The following SPARCL1 variants were observed in gnomAD, a reference collection of about 807,000 sequenced individuals.
SPARCL1 encodes the protein SPARC-like protein 1.
Under a neutral mutation model 67.1 loss-of-function variants are expected in SPARCL1, and 52 were observed. The observed-to-expected ratio is 0.78, with a 90% CI of 0.62 to 0.98. The LOEUF (loss-of-function observed/expected upper bound fraction) is 0.98, where lower values mean the gene tolerates loss of function less well. SPARCL1 is among the 50% of genes least tolerant of loss of function. SPARCL1 has a pLI of 0.00. For synonymous variants in SPARCL1, 226 were observed against 267.8 expected, an observed-to-expected ratio of 0.84 and a Z score of 1.52; for missense variants, 717 against 782.4, an observed-to-expected ratio of 0.92 and a Z score of 1.00.
chr4:87,476,961 G>A lies in SPARCL1; in HGVS notation c.1966+2469C>T, dbSNP rs114828106. ...CATTCCAAAGCAGTAAGTTGTTTACGTGTTCTGACTGAATATTTAATATCT... is the reference window on the plus strand; with the variant it reads ...CATTCCAAAGCAGTAAGTTGTTTACATGTTCTGACTGAATATTTAATATCT... On this transcript the variant is annotated intron_variant, in intron 10 of 10. Transcript: ENST00000282470. Among the ~76,000 whole-genome samples the A allele has an allele frequency of 1.0e-3, 152 of 152,274 alleles. 1 individual carries two copies. Among genetic ancestry groups the A allele is most frequent in the Middle Eastern group, 6.8e-3 (2 of 294 alleles).
Position 87,491,666 on chromosome 4 carries a change from T to C in SPARCL1, c.1243A>G (p.Asn415Asp), listed in dbSNP as rs1474818971. 1 of 1,613,780 alleles carries C rather than the reference T, an allele frequency of 6.2e-7. No homozygotes were observed. Among genetic ancestry groups the C allele is most frequent in the Admixed American group, 1.7e-5 (1 of 60,024 alleles). Residue 415 changes from asparagine to aspartate, a missense_variant, in exon 5 of 11, where the codon AAT becomes GAT. Physicochemically the swap from Asn to Asp is conservative, Grantham distance 23. Transcript: ENST00000282470. ...CCTTCACTTGACGTTTCCTCCTCAT[T>C]TGATGAGTTCTCTGCTTTCTTGGCC... ...QEAKKAENSS[N>D]EEETSSEGNM...
chr4:87,497,361 G>A (rs967677553), intron 2 of SPARCL1: 25 of 225,938 alleles, frequency 1.1e-4, no homozygotes, highest in African/African-American at 5.4e-4. Context: ...GGCAATGGAT[G>A]GGGGAGATTT....
intron 1 of SPARCL1, among the ~76,000 whole-genome samples, chr4:87,511,439 G>A (rs72879299): frequency 0.061 from 9,356 of 152,138 alleles, 747 homozygotes; most frequent in East Asian, 0.32. Context: ...ATATCTAGTA[G>A]ATACTTGGGT....
At chr4:87,480,219 C>T (rs1246155822) in intron 9 of SPARCL1, among the ~76,000 whole-genome samples, 153 bp downstream of exon 9, 1 of 152,084 alleles carries the variant, frequency 6.6e-6, no homozygotes, top group African/African-American at 2.4e-5. Flanking sequence ...TCATACACAG[C>T]AGCTTTGTGT....
chr4:87,476,542 A>C (rs1164314629), intron 10 of SPARCL1, among the ~76,000 whole-genome samples: 1 of 152,154 alleles, frequency 6.6e-6, no homozygotes, highest in East Asian at 1.9e-4. Context: ...GTGGCCCCCC[A>C]GTACTCTTAG....
At chr4:87,490,997 T>C (rs1724304761) in intron 5 of SPARCL1, 119 bp from the exon 6 acceptor site, 2 of 600,426 alleles carry the variant, frequency 3.3e-6, no homozygotes, top group Non-Finnish European at 5.7e-6. Context: ...CCTTGAAATT[T>C]GCAAATTTGG....
rs111674201 is a variant in SPARCL1 at position 87,491,947 on chromosome 4, C to G, written c.1219-257G>C. Among the ~76,000 whole-genome samples, 79 of 53,942 alleles carry G rather than the reference C, an allele frequency of 1.5e-3. 3 individuals are homozygous for G. In the South Asian group the frequency reaches 0.033, roughly 22 times the overall value. The allele number at this position is 53,942 out of a possible 152,430, so 35.4% of individuals were successfully genotyped here. ...TAGGGAAACTCCATCTCTACCCACC[C>G]CCCCCCCCAAAAAAAAAAAAATTAG... On this transcript the variant is annotated intron_variant, in intron 4 of 10. Transcript: ENST00000282470.
intron 1 of SPARCL1, among the ~76,000 whole-genome samples, chr4:87,501,848 G>C (rs1242555872): frequency 2.6e-5 from 4 of 151,790 alleles, no homozygotes; most frequent in South Asian, 2.1e-4. Flanking sequence ...ATTTATATTA[G>C]TTAAATATCA....
rs990322415 is a variant in SPARCL1 at position 87,513,079 on chromosome 4, C to T, written c.-11-13494G>A. 2.6e-4 allele frequency among the ~76,000 whole-genome samples: 40 copies of T among 152,132 alleles called. 1 individual carries two copies. Among genetic ancestry groups the T allele is most frequent in the Non-Finnish European group, 5.9e-5 (4 of 68,022 alleles). On this transcript the variant is annotated intron_variant, in intron 1 of 10. Coordinates refer to ENST00000282470, the MANE Select transcript of SPARCL1 (RefSeq NM_004684.6). ...AGGAGGAACTCTTTATTCTTTAACA[C>T]AAAAGGGAGGAAAGTTTAACTGTAA...
At chr4:87,475,480 C>CT (rs1407433520) in intron 10 of SPARCL1, among the ~76,000 whole-genome samples, 1 of 152,148 alleles carries the variant, frequency 6.6e-6, no homozygotes, top group Non-Finnish European at 1.5e-5. Context: ...GTGTTCAATC[C>CT]TAGACCCCTT....
chr4:87,491,454 G>T (rs554677611), intron 5 of SPARCL1, among the ~76,000 whole-genome samples, 164 bp downstream of exon 5: 1 of 152,212 alleles, frequency 6.6e-6, no homozygotes, highest in African/African-American at 2.4e-5. Flanking sequence ...TATCAAGTAT[G>T]CACAAGAAAA....
intron 1 of SPARCL1, among the ~76,000 whole-genome samples, chr4:87,513,628 TG>T (rs1725465269): frequency 6.6e-6 from 1 of 152,076 alleles, no homozygotes; most frequent in Admixed American, 6.5e-5. Context: ...GCCTGCTGCC[TG>T]TCATCAGTAA....
At chr4:87,486,984 G>A (rs1724102799) in intron 7 of SPARCL1, among the ~76,000 whole-genome samples, 1 of 119,452 alleles carries the variant, frequency 8.4e-6, no homozygotes, top group Non-Finnish European at 1.7e-5. Flanking sequence ...GCCTATGTAT[G>A]TTTTTGCATG....
chr4:87,486,836 A>T (rs1344507692), intron 7 of SPARCL1, among the ~76,000 whole-genome samples: 1 of 83,258 alleles, frequency 1.2e-5, no homozygotes, highest in Non-Finnish European at 2.5e-5. Context: ...GTGTTTTTTG[A>T]TCTTTGTTGG....
At chr4:87,516,417 T>C (rs940275639) in intron 1 of SPARCL1, among the ~76,000 whole-genome samples, 16 of 152,232 alleles carry the variant, frequency 1.1e-4, no homozygotes, top group Admixed American at 2.0e-4. Flanking sequence ...GTAGAATCAC[T>C]TATGGTCATC....
chr4:87,490,465 C>T (rs1056015044), intron 6 of SPARCL1, 72 bp from the exon 7 acceptor site: 4 of 1,515,226 alleles, frequency 2.6e-6, no homozygotes, highest in Admixed American at 2.1e-5. Flanking sequence ...CTCCTTAAAG[C>T]TCATATGCTG....
intron 8 of SPARCL1, among the ~76,000 whole-genome samples, chr4:87,480,820 C>CCTTT (rs59503255): frequency 0.16 from 21,865 of 133,154 alleles, 2,029 homozygotes; most frequent in African/African-American, 0.26. Flanking sequence ...ATGTTCGCTG[C>CCTTT]TTTTTTTTTT....
At position 87,501,382 on chromosome 4, in the gene SPARCL1, T is replaced by C. The variant is rs546009137; in HGVS notation, c.-11-1797A>G. Among the ~76,000 whole-genome samples, 88 of 152,296 alleles carry C rather than the reference T, an allele frequency of 5.8e-4. 1 individual carries two copies. Among genetic ancestry groups the C allele is most frequent in the Middle Eastern group, 3.4e-3 (1 of 294 alleles). On this transcript the variant is annotated intron_variant, in intron 1 of 10. Coordinates refer to ENST00000282470, the MANE Select transcript of SPARCL1 (RefSeq NM_004684.6). ...TCATTTTGATGAAGCACATACTCCA[T>C]AAGTTTCTTGAGAAACCACACACAG...
intron 9 of SPARCL1, 59 bp downstream of exon 9, chr4:87,480,313 A>G: frequency 7.0e-7 from 1 of 1,434,226 alleles, no homozygotes. Context: ...TTTTGCATAG[A>G]TATGTAGATA....
Sources: allele counts gnomAD v4.1 joint callset (sites outside exome capture counted in the v4.1 genomes callset), GRCh38; gene constraint gnomAD v4.1.1; transcripts MANE v1.5; gene names NCBI Gene and HGNC (gene_info 2026-07-23, HGNC 2026-07-21).